EPB41L5: variants seen among roughly 807,000 people sequenced by gnomAD.
EPB41L5 encodes band 4.1-like protein 5.
EPB41L5 carries 55 observed loss-of-function variants against 106.6 expected under a neutral mutation model. The observed-to-expected ratio is 0.52, with a 90% CI of 0.42 to 0.65. The LOEUF is 0.65. EPB41L5 is among the 30% of genes least tolerant of loss of function. The probability of loss-of-function intolerance (pLI) is 0.00; values close to 1 mark genes in which losing one functional copy is unlikely to be tolerated. For synonymous variants in EPB41L5, 297 were observed against 306.7 expected (o/e 0.97, Z 0.33); for missense variants, 871 against 882.1 (o/e 0.99, Z 0.16).
At chr2:120,018,104 G>T (rs1007104093) in intron 1 of EPB41L5, among the ~76,000 whole-genome samples, 13 of 152,144 alleles carry the variant, frequency 8.5e-5, no homozygotes, top group African/African-American at 3.1e-4. Context: ...GGGACTACAG[G>T]CGCCTGCTAC....
intron 20 of EPB41L5, among the ~76,000 whole-genome samples, chr2:120,160,294 G>T (rs891984424): frequency 2.6e-5 from 4 of 152,026 alleles, no homozygotes; most frequent in Non-Finnish European, 4.4e-5. Flanking sequence ...TTGGTACATT[G>T]TTTTCTTGGT....
At chr2:120,154,643 T>C (rs541190495) in intron 20 of EPB41L5, among the ~76,000 whole-genome samples, 7 of 151,944 alleles carry the variant, frequency 4.6e-5, no homozygotes, top group Non-Finnish European at 8.8e-5. Context: ...TACATGTTTA[T>C]GGGCCAGGCG....
At chr2:120,068,624 GA>G (rs1681625686) in intron 3 of EPB41L5, among the ~76,000 whole-genome samples, 1 of 152,206 alleles carries the variant, frequency 6.6e-6, no homozygotes, top group African/African-American at 2.4e-5. Context: ...ATGTCATAAT[GA>G]CAGGATCAAA....
intron 14 of EPB41L5, among the ~76,000 whole-genome samples, chr2:120,093,647 G>C (rs1683558306): frequency 6.6e-6 from 1 of 152,156 alleles, no homozygotes; most frequent in African/African-American, 2.4e-5. Flanking sequence ...CTTGGTTGTG[G>C]TGTATAGACC....
chr2:120,140,396 A>G (rs769014753), intron 18 of EPB41L5, among the ~76,000 whole-genome samples: 2 of 152,058 alleles, frequency 1.3e-5, no homozygotes, highest in Admixed American at 6.6e-5. Context: ...CTGTATCTAC[A>G]TATCTCGTGT....
Position 120,080,012 on chromosome 2 carries a change from A to G in EPB41L5, c.803+1431A>G, listed in dbSNP as rs560397411. Among the ~76,000 whole-genome samples, 6 of 152,264 alleles carry G rather than the reference A, an allele frequency of 3.9e-5. No homozygotes were observed. The South Asian group carries it at 1.0e-3, about 26-fold the overall frequency. Reference sequence around the variant, plus strand: ...TGTTTGAATGCTTAAATGCCTTAAAATGATTTTTTTGTCTTTTATTCTTTC... The same window carrying G: ...TGTTTGAATGCTTAAATGCCTTAAAGTGATTTTTTTGTCTTTTATTCTTTC... On this transcript the variant is annotated intron_variant, in intron 10 of 24. Transcript: ENST00000263713.
intron 16 of EPB41L5, chr2:120,106,821 T>A: frequency 1.0e-6 from 1 of 985,360 alleles, no homozygotes; most frequent in Non-Finnish European, 1.2e-6. Flanking sequence ...TTACCTATCT[T>A]GGAGTAAGAT....
chr2:120,100,395 G>A, intron 15 of EPB41L5, 109 bp downstream of exon 15: 4 of 1,031,128 alleles, frequency 3.9e-6, no homozygotes, highest in Admixed American at 2.3e-5. Context: ...CACAAATTAT[G>A]TGCATTTTCT....
At position 120,123,887 on chromosome 2, in the gene EPB41L5, G is replaced by A. The variant is rs191510501; in HGVS notation, c.1338-3801G>A. On this transcript the variant is annotated intron_variant, in intron 16 of 24. Coordinates refer to ENST00000263713, the MANE Select transcript of EPB41L5 (RefSeq NM_020909.4). ...TGCCCAGGCTGGTCTCAAACTCCTGGACTCCAGCAATCCTCCCACCTCGGC... is the reference window on the plus strand; with the variant it reads ...TGCCCAGGCTGGTCTCAAACTCCTGAACTCCAGCAATCCTCCCACCTCGGC... Among the ~76,000 whole-genome samples the A allele has an allele frequency of 7.7e-3, 1,170 of 151,826 alleles. 12 individuals are homozygous for A. The highest frequency in any genetic ancestry group is 0.026 in the African/African-American group (1,075 of 41,414).
intron 21 of EPB41L5, among the ~76,000 whole-genome samples, chr2:120,163,975 A>G (rs150698043): frequency 2.6e-5 from 1 of 38,372 alleles, no homozygotes; most frequent in Non-Finnish European, 6.1e-5. Context: ...ATTTTTTTGT[A>G]TTTACTTTTT....
chr2:120,153,548 C>A (rs2105518759), intron 20 of EPB41L5, among the ~76,000 whole-genome samples: 1 of 152,084 alleles, frequency 6.6e-6, no homozygotes, highest in East Asian at 1.9e-4. Flanking sequence ...TTGATCTTTT[C>A]TCTGGTTGTT....
chr2:120,091,605 C>T lies in EPB41L5; in HGVS notation c.1094C>T (p.Thr365Ile). 1 of 1,613,882 alleles carries T rather than the reference C, an allele frequency of 6.2e-7. No homozygotes were observed. The highest frequency in any genetic ancestry group is 8.5e-7 in the Non-Finnish European group (1 of 1,179,864). Residue 365 changes from threonine to isoleucine, a missense_variant, in exon 13 of 25, where the codon ACA (threonine) becomes ATA (isoleucine). Physicochemically the swap from Thr to Ile is moderately conservative, Grantham distance 89. Coordinates refer to ENST00000263713, the MANE Select transcript of EPB41L5 (RefSeq NM_020909.4). ...TTKTNKARRS[T>I]SFERRPSKRY... ...AAAACCAATAAAGCAAGAAGATCAA[C>T]ATCCTTTGAAAGAAGGCCCAGCAAA...
At chr2:120,077,895 C>T (rs1199876691) in intron 9 of EPB41L5, among the ~76,000 whole-genome samples, 3 of 152,154 alleles carry the variant, frequency 2.0e-5, no homozygotes, top group African/African-American at 7.2e-5. Flanking sequence ...CTCAGGAGGC[C>T]TCAGGAAACT....
chr2:120,013,553 TC>T (rs1298240504), intron 1 of EPB41L5: 1 of 151,930 alleles, frequency 6.6e-6, no homozygotes, highest in East Asian at 1.9e-4. Flanking sequence ...TGGGCTGCCG[TC>T]CAGCGGGAGA....
At chr2:120,070,661 T>C (rs892700038) in intron 3 of EPB41L5, among the ~76,000 whole-genome samples, 2 of 152,208 alleles carry the variant, frequency 1.3e-5, no homozygotes, top group Admixed American at 6.5e-5. Flanking sequence ...GCTTCATCCC[T>C]GGATTGCAAG....
Position 120,077,333 on chromosome 2 carries a change from G to C in EPB41L5, c.714+17G>C, listed in dbSNP as rs761387518. 1 of 1,591,432 alleles carries C rather than the reference G, an allele frequency of 6.3e-7. No individual in the cohort carries two copies. The highest frequency in any genetic ancestry group is 1.7e-5 in the Admixed American group (1 of 57,254). ...GTGGTCAAGGTAAGCATTGTGTTGT[G>C]ATGCTTTTTTAAAAATTTATTCTTT... On this transcript the variant is annotated intron_variant, in intron 9 of 24. Transcript: ENST00000263713.
chr2:120,034,238 C>T (rs929538090), intron 2 of EPB41L5, among the ~76,000 whole-genome samples: 12 of 152,184 alleles, frequency 7.9e-5, no homozygotes, highest in African/African-American at 2.9e-4. Context: ...AGCTGTCTAG[C>T]TGGCAGAAGC....
intron 2 of EPB41L5, among the ~76,000 whole-genome samples, chr2:120,023,917 C>T (rs1253617799): frequency 6.6e-6 from 1 of 152,090 alleles, no homozygotes; most frequent in Non-Finnish European, 1.5e-5. Context: ...AGTTGTATTC[C>T]TAGGCATTTT....
intron 16 of EPB41L5, among the ~76,000 whole-genome samples, chr2:120,120,718 A>C (rs1685180142): frequency 6.6e-6 from 1 of 152,222 alleles, no homozygotes. Context: ...TTTGTGGTTA[A>C]AGACTAAAAT....
Sources: allele counts gnomAD v4.1 joint callset (sites outside exome capture counted in the v4.1 genomes callset), GRCh38; gene constraint gnomAD v4.1.1; transcripts MANE v1.5; gene names NCBI Gene and HGNC (gene_info 2026-07-23, HGNC 2026-07-21).